Variants in PID1 observed in about 807,000 individuals in gnomAD.
PID1 encodes PTB-containing, cubilin and LRP1-interacting protein.
A neutral mutation model predicts 19.1 loss-of-function variants in PID1; 10 were observed. The ratio of observed to expected loss-of-function variants is 0.52; its 90% confidence interval spans 0.32 to 0.89. PID1 has a LOEUF of 0.89. Ranked by LOEUF, PID1 falls within the 40% of genes least tolerant of loss-of-function variation. The pLI is 0.03. For missense variants in PID1, 248 were observed against 285.3 expected, an observed-to-expected ratio of 0.87 and a Z score of 0.94; for synonymous variants, 130 against 116.0, an observed-to-expected ratio of 1.12 and a Z score of -0.78.
rs1305163309 is a variant in PID1 at position 229,061,493 on chromosome 2, G to T, written c.178-35385C>A. 2.6e-5 allele frequency among the ~76,000 whole-genome samples: 4 copies of T among 151,980 alleles called. No individual in the cohort carries two copies. In the East Asian group the frequency reaches 7.7e-4, roughly 29 times the overall value. ...TCTCTTTTTATGCTGGTACCATGCT[G>T]TTTTGATTACTACAACTTTGTAATA... On this transcript the variant is annotated intron_variant, in intron 2 of 2. Coordinates refer to ENST00000392055, the MANE Select transcript of PID1 (RefSeq NM_001100818.2).
chr2:229,155,937 A>C lies in PID1; in HGVS notation c.58T>G (p.Leu20Val). ...QHFQTMLKSK[L>V]NVLTLKKEPL... is the part of the protein sequence containing the mutation. The stretch of plus-strand genomic sequence containing the variant: ...TCCTTTTTCAGTGTTAAGACATTCA[A>C]TTTAGACTTCAGCATGGTCTGAAAG... The change falls in exon 2 of 3, where the codon TTG becomes GTG. Residue 20 changes from leucine (L) to valine (V), a missense_variant. Physicochemically the swap from Leu to Val is conservative, Grantham distance 32. Transcript: ENST00000392055. The C allele has an allele frequency of 6.2e-7, 1 of 1,613,972 alleles. No individual in the cohort carries two copies. Among genetic ancestry groups the C allele is most frequent in the Non-Finnish European group, 8.5e-7 (1 of 1,180,006 alleles).
At chr2:229,163,684 T>TGTGTGCGCGCGCGCATGTGC (rs1553570278) in intron 1 of PID1, among the ~76,000 whole-genome samples, 2 of 78,064 alleles carry the variant, frequency 2.6e-5, no homozygotes, top group African/African-American at 7.6e-5. Flanking sequence ...TGCGTGTGCG[T>TGTGTGCGCGCGCGCATGTGC]GTGTGTGTGT....
At chr2:229,241,329 A>AT (rs1689863913) in intron 1 of PID1, among the ~76,000 whole-genome samples, 1 of 152,064 alleles carries the variant, frequency 6.6e-6, no homozygotes, top group Non-Finnish European at 1.5e-5. Flanking sequence ...AGGACTATTG[A>AT]TTTGTGTTTT....
chr2:229,032,330 A>G (rs967976927), intron 2 of PID1, among the ~76,000 whole-genome samples: 1 of 152,244 alleles, frequency 6.6e-6, no homozygotes, highest in African/African-American at 2.4e-5. Context: ...AAGAACACAG[A>G]ACTCAATGTG....
At chr2:229,249,836 A>G (rs546439053) in intron 1 of PID1, among the ~76,000 whole-genome samples, 1 of 112,168 alleles carries the variant, frequency 8.9e-6, no homozygotes, top group East Asian at 2.3e-4. Context: ...CAGGAGTATG[A>G]TCCCCCAGGC....
intron 2 of PID1, among the ~76,000 whole-genome samples, chr2:229,152,726 G>C (rs1017761440): frequency 2.6e-5 from 4 of 151,528 alleles, no homozygotes; most frequent in Non-Finnish European, 5.9e-5. Flanking sequence ...AACATGAATA[G>C]CCTAGCAAGG....
chr2:229,103,729 AC>A (rs1695119488), intron 2 of PID1, among the ~76,000 whole-genome samples: 1 of 152,024 alleles, frequency 6.6e-6, no homozygotes, highest in Non-Finnish European at 1.5e-5. Flanking sequence ...GGTGCCCGCC[AC>A]CATGCCCGGC....
In PID1 at chr2:229,197,832, G is replaced by T. The variant is rs563276691; in HGVS notation, c.31-41868C>A. ...AGCAATGGAATGTTGATATTTATTG[G>T]GTCATCATAATTTTCCTTTTATGAC... On this transcript the variant is annotated intron_variant, in intron 1 of 2. Transcript: ENST00000392055. 2.6e-5 allele frequency among the ~76,000 whole-genome samples: 4 copies of T among 151,930 alleles called. No individual in the cohort carries two copies. In the East Asian group the frequency reaches 7.8e-4, roughly 29 times the overall value.
At chr2:229,256,295 C>T (rs1045677696) in intron 1 of PID1, among the ~76,000 whole-genome samples, 3 of 152,116 alleles carry the variant, frequency 2.0e-5, no homozygotes, top group Admixed American at 2.0e-4. Flanking sequence ...TTAAGAAGTC[C>T]AGATTTTCTT....
chr2:229,053,600 G>C (rs1048502890), intron 2 of PID1, among the ~76,000 whole-genome samples: 2 of 152,218 alleles, frequency 1.3e-5, no homozygotes, highest in African/African-American at 4.8e-5. Context: ...AACAGCCTCA[G>C]TTTCCCTCTC....
At chr2:229,270,353 C>T (rs1237527706) in intron 1 of PID1, among the ~76,000 whole-genome samples, 2 of 152,166 alleles carry the variant, frequency 1.3e-5, no homozygotes, top group African/African-American at 4.8e-5. Context: ...TCCCGCAAAT[C>T]CCCAGCTTCC....
intron 1 of PID1, among the ~76,000 whole-genome samples, chr2:229,250,301 G>A (rs1018941071): frequency 1.3e-5 from 2 of 152,078 alleles, no homozygotes; most frequent in African/African-American, 4.8e-5. Context: ...TCACAAAAAA[G>A]AGTCTTTCTT....
At chr2:229,254,683 G>A (rs1024548560) in intron 1 of PID1, among the ~76,000 whole-genome samples, 1 of 152,074 alleles carries the variant, frequency 6.6e-6, no homozygotes, top group Non-Finnish European at 1.5e-5. Flanking sequence ...GGTGTTCAAG[G>A]GGTTTTATGT....
chr2:229,215,129 T>C (rs1360416515), intron 1 of PID1, among the ~76,000 whole-genome samples: 2 of 152,200 alleles, frequency 1.3e-5, no homozygotes, highest in African/African-American at 4.8e-5. Context: ...AGCATAGGCT[T>C]TATCCTACTT....
At chr2:229,109,015 T>C (rs1191685339) in intron 2 of PID1, among the ~76,000 whole-genome samples, 1 of 152,144 alleles carries the variant, frequency 6.6e-6, no homozygotes, top group Non-Finnish European at 1.5e-5. Flanking sequence ...AGAGGAGATA[T>C]TTGGGTCATA....
At chr2:229,186,370 C>T (rs1044683961) in intron 1 of PID1, among the ~76,000 whole-genome samples, 1 of 152,186 alleles carries the variant, frequency 6.6e-6, no homozygotes, top group Non-Finnish European at 1.5e-5. Context: ...TTAGGTGACA[C>T]CCCAGTAGGG....
chr2:229,098,594 A>G (rs1574626758), intron 2 of PID1, among the ~76,000 whole-genome samples: 1 of 151,766 alleles, frequency 6.6e-6, no homozygotes, highest in Admixed American at 6.6e-5. Flanking sequence ...GCTGGGGGGG[A>G]AGAAATTAGG....
chr2:229,236,987 TACACACAC>T (rs201772514), intron 1 of PID1, among the ~76,000 whole-genome samples: 116 of 107,886 alleles, frequency 1.1e-3, no homozygotes, highest in Admixed American at 1.8e-3. Flanking sequence ...TACACACACA[TACACACAC>T]ACACACACAC....
At chr2:229,164,524 G>T (rs947322470) in intron 1 of PID1, among the ~76,000 whole-genome samples, 1 of 152,194 alleles carries the variant, frequency 6.6e-6, no homozygotes, top group Admixed American at 6.5e-5. Flanking sequence ...GCCCCTTGTG[G>T]TGTGAGTATC....
Sources: gnomAD v4.1 joint callset for allele counts (sites outside exome capture counted in the v4.1 genomes callset) on GRCh38, gnomAD v4.1.1 for gene constraint, MANE v1.5 for transcripts, NCBI Gene and HGNC (gene_info 2026-07-23, HGNC 2026-07-21) for gene names.